GPATCH8: variants seen among roughly 807,000 people sequenced by gnomAD.
GPATCH8 encodes the protein G-patch domain containing 8.
Under a neutral mutation model 118.3 loss-of-function variants are expected in GPATCH8, and 18 were observed. The ratio of observed to expected loss-of-function variants is 0.15; its 90% CI spans 0.11 to 0.23. GPATCH8 has a LOEUF of 0.23. Among genes scored for constraint, GPATCH8 ranks in the 10% least tolerant of loss-of-function variants. The pLI, the probability that GPATCH8 is intolerant of heterozygous loss-of-function variation, is 1.00. For missense variants in GPATCH8, 1,631 were observed against 1,873.8 expected (o/e 0.87, Z 2.39); for synonymous variants, 659 against 684.7 (o/e 0.96, Z 0.59).
intron 6 of GPATCH8, among the ~76,000 whole-genome samples, chr17:44,408,757 G>A (rs934788114): frequency 1.3e-5 from 2 of 152,156 alleles, no homozygotes; most frequent in African/African-American, 2.4e-5. Context: ...CCTATCTCAA[G>A]TTCCTACCAC....
chr17:44,497,563 G>C (rs1324408030), intron 1 of GPATCH8, among the ~76,000 whole-genome samples: 1 of 152,056 alleles, frequency 6.6e-6, no homozygotes, highest in Admixed American at 6.6e-5. Flanking sequence ...ACTCCAGCCT[G>C]AGTGACAGAG....
Position 44,415,793 on chromosome 17 carries a change from G to A in GPATCH8, c.492+8556C>T, listed in dbSNP as rs550386454. On this transcript the variant is annotated intron_variant, in intron 6 of 7. Transcript: ENST00000591680. ...CATCACTGTGATAAATTAAGTGTAA[G>A]GGGCAGAAAGGTTGAAACTGTAGAA... 2.0e-5 allele frequency among the ~76,000 whole-genome samples: 3 copies of A among 152,332 alleles called. No homozygotes were observed. The South Asian group carries it at 6.2e-4, about 32-fold the overall frequency.
intron 6 of GPATCH8, among the ~76,000 whole-genome samples, chr17:44,419,621 G>A (rs561895614): frequency 6.6e-6 from 1 of 151,986 alleles, no homozygotes; most frequent in East Asian, 1.9e-4. Context: ...CAAGTAGCTC[G>A]GACTTACACT....
At chr17:44,428,270 AT>A (rs1262032116) in intron 5 of GPATCH8, among the ~76,000 whole-genome samples, 4 of 151,924 alleles carry the variant, frequency 2.6e-5, no homozygotes, top group African/African-American at 9.7e-5. Flanking sequence ...AGGTGGGTGG[AT>A]CACCTGAGGT....
chr17:44,402,929 AT>A (rs538360544), intron 7 of GPATCH8, among the ~76,000 whole-genome samples: 1 of 152,058 alleles, frequency 6.6e-6, no homozygotes, highest in African/African-American at 2.4e-5. Context: ...TGAAAGTTTT[AT>A]TTTTCTGAGG....
chr17:44,457,610 T>G (rs960492484), intron 3 of GPATCH8, among the ~76,000 whole-genome samples: 1 of 152,194 alleles, frequency 6.6e-6, no homozygotes, highest in African/African-American at 2.4e-5. Flanking sequence ...AAGATGTGCT[T>G]AAGAATTTTA....
intron 3 of GPATCH8, among the ~76,000 whole-genome samples, chr17:44,438,187 T>G (rs772794347): frequency 1.3e-5 from 2 of 152,132 alleles, no homozygotes; most frequent in Admixed American, 6.6e-5. Flanking sequence ...TAAAAACAAA[T>G]AGTCCAATGA....
At chr17:44,496,274 T>C (rs1019257420) in intron 1 of GPATCH8, among the ~76,000 whole-genome samples, 4 of 152,238 alleles carry the variant, frequency 2.6e-5, no homozygotes, top group Admixed American at 1.3e-4. Flanking sequence ...CCTCTTTTCT[T>C]ATTAACTCTG....
At chr17:44,448,243 T>C (rs563255078) in intron 3 of GPATCH8, among the ~76,000 whole-genome samples, 1 of 152,028 alleles carries the variant, frequency 6.6e-6, no homozygotes. Flanking sequence ...ATGGAGAAAA[T>C]TATTATCTAT....
chr17:44,399,205 C>T lies in GPATCH8; in HGVS notation c.2872G>A (p.Gly958Ser), dbSNP rs147155946. 1.0e-4 allele frequency: 168 copies of T among 1,613,648 alleles called. No homozygotes were observed. Among genetic ancestry groups the T allele is most frequent in the Non-Finnish European group, 1.3e-4 (151 of 1,179,790 alleles). Residue 958 changes from glycine (G) to serine (S), a missense_variant, in exon 8 of 8, where the codon GGC becomes AGC. By Grantham distance (56) the Gly-to-Ser change is moderately conservative (BLOSUM62 0). This residue lies in a region of GPATCH8 where 922 missense variants were observed against 879.7 expected (regional missense o/e 1.05). Coordinates refer to ENST00000591680, the MANE Select transcript of GPATCH8 (RefSeq NM_001002909.4). ...SHTRERSRSR[G>S]RSRSSSCSRS... The stretch of plus-strand genomic sequence containing the variant: ...CTACAACTGCTGCTGCGGCTGCGGC[C>T]CCGGGATCTTGAGCGCTCTCTGGTA...
chr17:44,407,657 A>AT (rs35620878), intron 6 of GPATCH8, among the ~76,000 whole-genome samples: 7,373 of 141,784 alleles, frequency 0.052, 225 homozygotes, highest in Non-Finnish European at 0.06. Context: ...CATAATTAAG[A>AT]TTTTTTTTTT....
chr17:44,489,954 T>C (rs1212106877), intron 1 of GPATCH8, among the ~76,000 whole-genome samples: 2 of 152,000 alleles, frequency 1.3e-5, no homozygotes, highest in Non-Finnish European at 2.9e-5. Context: ...CTTAGATCTC[T>C]GAAATTCCTT....
chr17:44,482,106 G>A (rs900253989), intron 1 of GPATCH8, among the ~76,000 whole-genome samples: 2 of 151,998 alleles, frequency 1.3e-5, no homozygotes, highest in Admixed American at 1.3e-4. Context: ...GGGCGACAGA[G>A]TGAGACTCTT....
chr17:44,494,017 A>G (rs369831331), intron 1 of GPATCH8, among the ~76,000 whole-genome samples: 3 of 152,108 alleles, frequency 2.0e-5, no homozygotes, highest in East Asian at 3.8e-4. Context: ...TCCTACAATG[A>G]TCTTGCTCTC....
chr17:44,426,436 C>G (rs917209098), intron 5 of GPATCH8, among the ~76,000 whole-genome samples: 2 of 151,986 alleles, frequency 1.3e-5, no homozygotes, highest in African/African-American at 4.8e-5. Flanking sequence ...AACTCCGGCT[C>G]TACCAAAAAT....
rs765357053 is a variant in GPATCH8 at position 44,399,669 on chromosome 17, C to A, written c.2408G>T (p.Arg803Leu). The A allele has an allele frequency of 3.1e-6, 5 of 1,614,142 alleles. No homozygotes were observed. The Admixed American group carries it at 8.3e-5, about 27-fold the overall frequency. The change falls in exon 8 of 8, where the codon CGG (arginine) becomes CTG (leucine). Residue 803 changes from arginine (R) to leucine (L), a missense_variant. This residue lies in a region of GPATCH8 where 922 missense variants were observed against 879.7 expected (regional missense o/e 1.05). Coordinates refer to ENST00000591680, the MANE Select transcript of GPATCH8 (RefSeq NM_001002909.4). ...SSCQRRAGTK[R>L]SSRSSHRSQP... Reference sequence around the variant, plus strand: ...GCTCCGATGGCTAGACCGGCTGCTCCGTTTGGTGCCTGCTCTTCGCTGGCA... The same window carrying A: ...GCTCCGATGGCTAGACCGGCTGCTCAGTTTGGTGCCTGCTCTTCGCTGGCA...
chr17:44,408,524 A>T (rs758962445), intron 6 of GPATCH8, among the ~76,000 whole-genome samples: 6 of 152,186 alleles, frequency 3.9e-5, no homozygotes, highest in African/African-American at 4.8e-5. Context: ...GCCACCTGCT[A>T]AGACTGGAAA....
chr17:44,460,611 A>T (rs558476875), intron 3 of GPATCH8, among the ~76,000 whole-genome samples: 10 of 152,212 alleles, frequency 6.6e-5, no homozygotes, highest in Non-Finnish European at 1.0e-4. Context: ...TTGACAAAAA[A>T]GCCCAAAAGG....
intron 2 of GPATCH8, chr17:44,466,046 C>G (rs2051751254): frequency 1.3e-5 from 2 of 152,210 alleles, no homozygotes; most frequent in South Asian, 2.1e-4. Context: ...GATACAGCAT[C>G]TTGCTCTGCT....
Sources: allele counts gnomAD v4.1 joint callset (sites outside exome capture counted in the v4.1 genomes callset), GRCh38; gene constraint gnomAD v4.1.1; regional missense constraint gnomAD v4.1.1; transcripts MANE v1.5; gene names NCBI Gene and HGNC (gene_info 2026-07-23, HGNC 2026-07-21).